Variants in GNAO1 observed in about 807,000 individuals in gnomAD.
GNAO1 encodes the protein G protein subunit alpha o1.
For synonymous variants in GNAO1, 164 were observed against 180.7 expected, an observed-to-expected ratio of 0.91 and a Z score of 0.74; for missense variants, 166 against 478.7, an observed-to-expected ratio of 0.35 and a Z score of 6.10.
chr16:56,224,900 G>A (rs2036521422), intron 2 of GNAO1, among the ~76,000 whole-genome samples: 1 of 152,220 alleles, frequency 6.6e-6, no homozygotes, highest in African/African-American at 2.4e-5. Flanking sequence ...CGTTTCAGGT[G>A]CCCTTTAGAG....
chr16:56,322,534 T>C (rs1334787503), intron 3 of GNAO1, among the ~76,000 whole-genome samples: 1 of 152,122 alleles, frequency 6.6e-6, no homozygotes, highest in African/African-American at 2.4e-5. Context: ...ATCCTTTTTT[T>C]TGTGCTGGCA....
chr16:56,328,552 C>T (rs994556163), intron 3 of GNAO1, 79 bp from the exon 4 acceptor site: 1 of 1,456,438 alleles, frequency 6.9e-7, no homozygotes. Context: ...ACAGTCCCCG[C>T]TAGGGGAGAG....
intron 2 of GNAO1, among the ~76,000 whole-genome samples, chr16:56,212,266 G>A (rs577625834): frequency 2.0e-5 from 3 of 152,346 alleles, no homozygotes; most frequent in Admixed American, 2.0e-4. Context: ...TACATGGTAT[G>A]TAACCTTTGT....
At chr16:56,259,063 A>G (rs538589916) in intron 2 of GNAO1, among the ~76,000 whole-genome samples, 1 of 152,324 alleles carries the variant, frequency 6.6e-6, no homozygotes, top group East Asian at 1.9e-4. Flanking sequence ...CCTTAGGGAC[A>G]TTTTGTGATC....
At chr16:56,305,602 G>A (rs1177604069) in intron 3 of GNAO1, among the ~76,000 whole-genome samples, 2 of 152,250 alleles carry the variant, frequency 1.3e-5, no homozygotes, top group East Asian at 1.9e-4. Flanking sequence ...GGGGAGGAAC[G>A]ACCTTGACCC....
intron 6 of GNAO1, among the ~76,000 whole-genome samples, chr16:56,350,500 C>G (rs961500653): frequency 7.2e-4 from 109 of 152,348 alleles, no homozygotes; most frequent in African/African-American, 2.5e-3. Flanking sequence ...TTGCCCAGGG[C>G]AAGAGGCTGC....
At chr16:56,288,645 G>A (rs1471191978) in intron 3 of GNAO1, among the ~76,000 whole-genome samples, 2 of 152,200 alleles carry the variant, frequency 1.3e-5, no homozygotes, top group African/African-American at 4.8e-5. Flanking sequence ...TGGCCAGCGT[G>A]GGGGCCGGTC....
At chr16:56,338,253 C>G (rs1214281585) in intron 6 of GNAO1, among the ~76,000 whole-genome samples, 1 of 152,202 alleles carries the variant, frequency 6.6e-6, no homozygotes, top group Non-Finnish European at 1.5e-5. Context: ...CTTCCTATTT[C>G]AGGCCCACCT....
At chr16:56,219,741 T>A (rs1201985718) in intron 2 of GNAO1, among the ~76,000 whole-genome samples, 2 of 152,048 alleles carry the variant, frequency 1.3e-5, no homozygotes, top group Non-Finnish European at 2.9e-5. Flanking sequence ...CCTTCATGGC[T>A]CTGACCTCCC....
At chr16:56,306,049 C>T (rs1168808519) in intron 3 of GNAO1, among the ~76,000 whole-genome samples, 4 of 152,218 alleles carry the variant, frequency 2.6e-5, no homozygotes, top group African/African-American at 9.7e-5. Flanking sequence ...GCTTCCCTGC[C>T]GTCCTCTGAG....
chr16:56,195,858 T>C (rs1781068290), intron 2 of GNAO1, among the ~76,000 whole-genome samples: 1 of 152,202 alleles, frequency 6.6e-6, no homozygotes, highest in Admixed American at 6.5e-5. Flanking sequence ...ATCCTTGTTG[T>C]GGTGTGCTAA....
At chr16:56,271,086 C>G (rs1021067159) in intron 2 of GNAO1, 1 of 152,286 alleles carries the variant, frequency 6.6e-6, no homozygotes, top group African/African-American at 2.4e-5. Flanking sequence ...CAGAGGCCTC[C>G]TTTCCTTGCC....
rs916523632 is a variant in GNAO1, at chr16:56,191,784, C to G, written c.-452C>G. 2 of 221,088 alleles carry G rather than the reference C, an allele frequency of 9.0e-6. No individual in the cohort carries two copies. Among genetic ancestry groups the G allele is most frequent in the African/African-American group, 4.7e-5 (2 of 42,208 alleles). 13.7% of individuals were successfully genotyped at this position (221,088 alleles called of 1,614,324 possible). A position where few individuals can be genotyped will look rare whatever the true frequency, so the allele number is the denominator to read the frequency against. On this transcript the variant is annotated 5_prime_UTR_variant, in exon 1 of 9. Coordinates refer to ENST00000262493, the MANE Select transcript of GNAO1 (RefSeq NM_020988.3). This position sits in a 1 kb window ranked among gnomAD's most constrained non-coding sequence, Gnocchi z 4.7. ...CCGCCGCCTCCTCCACCTCCTCCTC[C>G]GCCGCCGCCGCCTCCTCCTCCTCCG...
intron 2 of GNAO1, among the ~76,000 whole-genome samples, chr16:56,211,946 T>C (rs1440917307): frequency 1.3e-5 from 2 of 152,280 alleles, no homozygotes; most frequent in South Asian, 2.1e-4. Flanking sequence ...CTGTAAATTA[T>C]GCAACTCCAG....
At chr16:56,275,345 C>G (rs1161068507) in intron 2 of GNAO1, among the ~76,000 whole-genome samples, 1 of 152,186 alleles carries the variant, frequency 6.6e-6, no homozygotes, top group Non-Finnish European at 1.5e-5. Flanking sequence ...TGTCCCTGTT[C>G]AGATCCACCA....
At chr16:56,251,235 G>T (rs898732708) in intron 2 of GNAO1, among the ~76,000 whole-genome samples, 1 of 152,186 alleles carries the variant, frequency 6.6e-6, no homozygotes, top group Non-Finnish European at 1.5e-5. Flanking sequence ...GGACCATCTC[G>T]ATCGAAATTG....
chr16:56,250,110 G>A (rs1261286456), intron 2 of GNAO1, among the ~76,000 whole-genome samples: 12 of 152,310 alleles, frequency 7.9e-5, no homozygotes, highest in East Asian at 3.9e-4. Flanking sequence ...AAGGGAGGGC[G>A]TTCTAGGTGG....
intron 3 of GNAO1, among the ~76,000 whole-genome samples, chr16:56,278,542 G>C (rs201633545): frequency 5.3e-5 from 8 of 152,312 alleles, no homozygotes; most frequent in African/African-American, 1.9e-4. Flanking sequence ...TGCCAGGCCA[G>C]AAAGGGCTGC....
Position 56,192,625 on chromosome 16 carries a change from C to T in GNAO1, c.161+9C>T, listed in dbSNP as rs751608846. On this transcript the variant is annotated intron_variant, in intron 2 of 8. Coordinates refer to ENST00000262493, the MANE Select transcript of GNAO1 (RefSeq NM_020988.3). ...ATTGTGAAGCAGATGAAGTAAGTCC[C>T]TGTGGCATTGGGATTCGTACTTTTA... 5.2e-6 allele frequency: 8 copies of T among 1,548,228 alleles called. No homozygotes were observed. The Admixed American group carries it at 8.3e-5, about 16-fold the overall frequency.
Sources: gnomAD v4.1 joint callset for allele counts (sites outside exome capture counted in the v4.1 genomes callset) on GRCh38, gnomAD v4.1.1 for gene constraint, Gnocchi (gnomAD v3.1) non-coding constraint, MANE v1.5 for transcripts, NCBI Gene and HGNC (gene_info 2026-07-23, HGNC 2026-07-21) for gene names.